PLXNA4: variants seen among roughly 807,000 people sequenced by gnomAD.
PLXNA4 encodes plexin-A4.
A neutral mutation model predicts 191.8 loss-of-function variants in PLXNA4; 44 were observed. That is an observed-to-expected ratio of 0.23 (90% confidence interval 0.18 to 0.29). The LOEUF is 0.29. PLXNA4 is among the 10% of genes least tolerant of loss of function. The pLI is 1.00. For synonymous variants in PLXNA4, 1,082 were observed against 1,009.5 expected, an observed-to-expected ratio of 1.07 and a Z score of -1.36; for missense variants, 1,800 against 2,488.8, an observed-to-expected ratio of 0.72 and a Z score of 5.89.
chr7:132,212,666 C>T (rs941313095), intron 9 of PLXNA4, among the ~76,000 whole-genome samples: 2 of 151,894 alleles, frequency 1.3e-5, no homozygotes, highest in East Asian at 3.9e-4. Context: ...GAAAGAGAGG[C>T]AGGGGAAATG....
intron 21 of PLXNA4, among the ~76,000 whole-genome samples, chr7:132,169,059 C>T (rs1298792607): frequency 6.6e-6 from 1 of 152,174 alleles, no homozygotes; most frequent in Non-Finnish European, 1.5e-5. Context: ...GGAGTCAGGA[C>T]ATCTGGGTTC....
intron 2 of PLXNA4, among the ~76,000 whole-genome samples, chr7:132,639,931 G>A (rs1359951619): frequency 1.3e-5 from 2 of 152,206 alleles, no homozygotes; most frequent in Admixed American, 6.5e-5. Flanking sequence ...CTGGCTTCGG[G>A]TAAGAACACT....
At chr7:132,285,409 G>A (rs952991914) in intron 4 of PLXNA4, among the ~76,000 whole-genome samples, 1 of 152,140 alleles carries the variant, frequency 6.6e-6, no homozygotes, top group African/African-American at 2.4e-5. Context: ...CCTCTTCATT[G>A]TTTTTCTGGA....
intron 3 of PLXNA4, among the ~76,000 whole-genome samples, chr7:132,439,742 T>A (rs1171355162): frequency 6.6e-6 from 1 of 152,108 alleles, no homozygotes. Context: ...AAGTTTGCGG[T>A]CCTAATTATT....
At chr7:132,461,556 C>T (rs1472328094) in intron 3 of PLXNA4, among the ~76,000 whole-genome samples, 1 of 152,046 alleles carries the variant, frequency 6.6e-6, no homozygotes, top group African/African-American at 2.4e-5. Context: ...AAACTGGAGG[C>T]TATAGATTAA....
At chr7:132,630,050 C>G (rs1427264158) in intron 2 of PLXNA4, among the ~76,000 whole-genome samples, 3 of 152,176 alleles carry the variant, frequency 2.0e-5, no homozygotes, top group Non-Finnish European at 4.4e-5. Flanking sequence ...CAGGGTTCCA[C>G]TGTGTTAGCC....
At chr7:132,276,558 C>A (rs1800289535) in intron 4 of PLXNA4, among the ~76,000 whole-genome samples, 1 of 152,074 alleles carries the variant, frequency 6.6e-6, no homozygotes, top group Admixed American at 6.6e-5. Flanking sequence ...TATTCATGAA[C>A]TGCATGTAAG....
At chr7:132,498,560 T>A (rs758887666) in intron 2 of PLXNA4, among the ~76,000 whole-genome samples, 1 of 152,122 alleles carries the variant, frequency 6.6e-6, no homozygotes, top group Admixed American at 6.5e-5. Context: ...TCCCACAACA[T>A]GTGGGACTTC....
At chr7:132,420,544 TG>T (rs1465290023) in intron 3 of PLXNA4, among the ~76,000 whole-genome samples, 1 of 152,234 alleles carries the variant, frequency 6.6e-6, no homozygotes, top group Non-Finnish European at 1.5e-5. Context: ...AAAAGTTCTT[TG>T]CCTTTAAGCA....
chr7:132,584,395 T>G (rs964040753), intron 2 of PLXNA4, among the ~76,000 whole-genome samples: 1 of 152,200 alleles, frequency 6.6e-6, no homozygotes, highest in African/African-American at 2.4e-5. Context: ...GTAGGAAGCT[T>G]GAAGTGTACA....
chr7:132,169,395 T>A (rs1423518725), intron 21 of PLXNA4, among the ~76,000 whole-genome samples: 1 of 152,098 alleles, frequency 6.6e-6, no homozygotes, highest in Non-Finnish European at 1.5e-5. Flanking sequence ...TGTCCAGGGG[T>A]GTGCATTGCA....
chr7:132,182,320 A>G (rs1413435978), intron 16 of PLXNA4, 130 bp from the exon 17 acceptor site: 10 of 1,421,626 alleles, frequency 7.0e-6, no homozygotes, highest in Non-Finnish European at 8.5e-6. Flanking sequence ...TCATGGGGAC[A>G]AGGATGACAA....
intron 9 of PLXNA4, among the ~76,000 whole-genome samples, chr7:132,220,884 C>A (rs1298778546): frequency 6.9e-6 from 1 of 145,952 alleles, no homozygotes; most frequent in East Asian, 2.0e-4. Flanking sequence ...TTGCTCATGG[C>A]TCACTGCAGC....
chr7:132,331,915 T>C (rs925503892), intron 3 of PLXNA4, among the ~76,000 whole-genome samples: 18 of 152,114 alleles, frequency 1.2e-4, no homozygotes, highest in Non-Finnish European at 1.6e-4. Context: ...GAAGGGGCCC[T>C]TGAGTGTTGA....
intron 4 of PLXNA4, among the ~76,000 whole-genome samples, chr7:132,267,534 C>T (rs1345957737): frequency 6.6e-6 from 1 of 152,188 alleles, no homozygotes; most frequent in East Asian, 1.9e-4. Context: ...CCAGGGTGAT[C>T]CACTGCTGTT....
rs17852615 is a variant in PLXNA4, at chr7:132,484,961, T to G, written c.1371+4331A>C. The G allele has an allele frequency of 0.012, 19,392 of 1,614,112 alleles. 292 individuals are homozygous for G. The highest frequency in any genetic ancestry group is 0.07 in the African/African-American group (5,249 of 74,998). The stretch of plus-strand genomic sequence containing the variant: ...AATGTTCGCCCCAGGTGGGTCTCCC[T>G]CCACTCCAATCCACTCCTGGGTGAT... On this transcript the variant is annotated intron_variant, in intron 3 of 31. Transcript: ENST00000321063.
In PLXNA4 at chr7:132,408,448, C is replaced by CTTTATTTATTTATTTATTTATTTA. The variant is rs55684832; in HGVS notation, c.1371+80820_1371+80843dup. Among the ~76,000 whole-genome samples, 157 of 149,496 alleles carry CTTTATTTATTTATTTATTTATTTA rather than the reference C, an allele frequency of 1.1e-3. 2 individuals carry two copies. The highest frequency in any genetic ancestry group is 3.3e-3 in the African/African-American group (133 of 39,804). On this transcript the variant is annotated intron_variant, in intron 3 of 31. Coordinates refer to ENST00000321063, the MANE Select transcript of PLXNA4 (RefSeq NM_020911.2). ...TTTTTTAGCTTTGAACACAAAAACACTTTATTTATTTATTTATTTATTTAT... is the reference window on the plus strand; with the variant it reads ...TTTTTTAGCTTTGAACACAAAAACACTTTATTTATTTATTTATTTATTTATTTATTTATTTATTTATTTATTTAT...
intron 3 of PLXNA4, among the ~76,000 whole-genome samples, chr7:132,479,768 G>A (rs1457525927): frequency 6.6e-6 from 1 of 152,190 alleles, no homozygotes; most frequent in African/African-American, 2.4e-5. Flanking sequence ...TCCTGCCTCA[G>A]CCTCTGGAGT....
At chr7:132,361,022 C>T (rs1803917772) in intron 3 of PLXNA4, among the ~76,000 whole-genome samples, 2 of 152,304 alleles carry the variant, frequency 1.3e-5, no homozygotes, top group Middle Eastern at 3.4e-3. Context: ...TTCCAGCTGC[C>T]TGACAGTCTG....
Sources: gnomAD v4.1 joint callset for allele counts (sites outside exome capture counted in the v4.1 genomes callset) on GRCh38, gnomAD v4.1.1 for gene constraint, MANE v1.5 for transcripts, NCBI Gene and HGNC (gene_info 2026-07-23, HGNC 2026-07-21) for gene names.